Variants in DCTN2 observed in about 807,000 individuals in gnomAD.
DCTN2 encodes the protein 50 kDa dynein-associated polypeptide.
In DCTN2, 18 loss-of-function variants were observed where a neutral mutation model predicts 55.4. That is an observed-to-expected ratio of 0.32 (90% CI 0.22 to 0.48). The LOEUF (loss-of-function observed/expected upper bound fraction) is 0.48. Ranked by LOEUF, DCTN2 falls within the 20% of genes least tolerant of loss-of-function variation. The pLI is 0.99. For missense variants in DCTN2, 390 were observed against 491.0 expected, an observed-to-expected ratio of 0.79 and a Z score of 1.94; for synonymous variants, 168 against 185.2, an observed-to-expected ratio of 0.91 and a Z score of 0.76.
At chr12:57,546,489 C>T (rs986860758) in intron 1 of DCTN2, among the ~76,000 whole-genome samples, 1 of 152,098 alleles carries the variant, frequency 6.6e-6, no homozygotes, top group East Asian at 1.9e-4. Flanking sequence ...TGTGTCCCAA[C>T]CCTCACCTTG....
At chr12:57,536,166 C>A in intron 2 of DCTN2, 1 of 317,596 alleles carries the variant, frequency 3.1e-6, no homozygotes. Context: ...ACGCCATGCA[C>A]TCAAGGCAAG....
At chr12:57,533,127 G>A (rs998781140) in intron 8 of DCTN2, 105 bp from the exon 9 acceptor site, 2 of 1,561,526 alleles carry the variant, frequency 1.3e-6, no homozygotes, top group Admixed American at 3.5e-5. Context: ...GCTGATCCCT[G>A]TAACTGAAGC....
Position 57,547,153 on chromosome 12 carries a change from C to T in DCTN2, c.-90G>A. 1.8e-6 allele frequency: 2 copies of T among 1,132,344 alleles called. No individual in the cohort carries two copies. Among genetic ancestry groups the T allele is most frequent in the Non-Finnish European group, 1.1e-6 (1 of 884,486 alleles). The allele number at this position is 1,132,344 out of a possible 1,614,324, so 70.1% of individuals were successfully genotyped here. A position where few individuals can be genotyped will look rare whatever the true frequency, so the allele number is the denominator to read the frequency against. ...GGAGAGGCTGGGTTCGGGTCCCGGG[C>T]TAAGGCGGCGGCAAAGGGAGCGGCA... is the stretch of plus-strand genomic sequence containing the variant. On this transcript the variant is annotated 5_prime_UTR_variant, in exon 1 of 14. Transcript: ENST00000548249.
chr12:57,538,147 G>C, intron 2 of DCTN2: 2 of 362,670 alleles, frequency 5.5e-6, no homozygotes, highest in Admixed American at 3.9e-5. Context: ...GGGAGTAGAA[G>C]AGGGTCAACA....
intron 7 of DCTN2, 54 bp from the exon 8 acceptor site, chr12:57,533,357 G>A: frequency 1.3e-6 from 2 of 1,516,776 alleles, no homozygotes; most frequent in Non-Finnish European, 1.8e-6. Flanking sequence ...TGCTGCAATG[G>A]GAGGAATACG....
Position 57,533,282 on chromosome 12 carries a change from G to A in DCTN2, c.691C>T (p.Leu231=). 2 of 1,613,966 alleles carry A rather than the reference G, an allele frequency of 1.2e-6. No individual in the cohort carries two copies. The highest frequency in any genetic ancestry group is 1.1e-5 in the South Asian group (1 of 91,078). The change falls in exon 8 of 14, where the codon CTG becomes TTG. Residue 231 remains leucine (L), a synonymous_variant. Transcript: ENST00000548249. ...CGTACAGCTGTCTCCAGCTCTGTCA[G>A]GCGCTTTTCAAGTTCTGCGACCTAG... ...AAKVAELEKR[L]TELETAVRCD... is the part of the protein sequence containing the mutation.
At chr12:57,536,227 C>T (rs926433546) in intron 2 of DCTN2, 7 of 217,714 alleles carry the variant, frequency 3.2e-5, no homozygotes, top group South Asian at 1.1e-4. Flanking sequence ...AAATCTTGCC[C>T]GCTGAGCAAG....
At chr12:57,536,430 C>T (rs1001058228) in intron 2 of DCTN2, among the ~76,000 whole-genome samples, 1 of 152,152 alleles carries the variant, frequency 6.6e-6, no homozygotes, top group African/African-American at 2.4e-5. Context: ...ATGAGGCCAG[C>T]GAACTCAGGG....
chr12:57,537,955 A>C (rs1195349870), intron 2 of DCTN2, among the ~76,000 whole-genome samples: 2 of 152,180 alleles, frequency 1.3e-5, no homozygotes, highest in South Asian at 4.1e-4. Flanking sequence ...GAAAGCCCCA[A>C]TCCAGGCCAA....
At chr12:57,545,556 A>G (rs533969765) in intron 2 of DCTN2, among the ~76,000 whole-genome samples, 1 of 152,252 alleles carries the variant, frequency 6.6e-6, no homozygotes, top group African/African-American at 2.4e-5. Flanking sequence ...TCTTCCTCAA[A>G]TTTGTTTTGC....
Position 57,543,796 on chromosome 12 carries a change from C to A in DCTN2, c.105+2232G>T, listed in dbSNP as rs967676602. On this transcript the variant is annotated intron_variant, in intron 2 of 13. Coordinates refer to ENST00000548249, the MANE Select transcript of DCTN2 (RefSeq NM_001261413.2). ...TTGTATTTGCCATTCAGCTCATATG[C>A]ACTTCTATACTGGCATCCTGGGCAA... The A allele has an allele frequency of 7.9e-5, 102 of 1,288,332 alleles. 1 individual carries two copies. The African/African-American group carries it at 1.3e-3, about 16-fold the overall frequency. 79.8% of individuals were successfully genotyped at this position (1,288,332 alleles called of 1,614,324 possible). A position where few individuals can be genotyped will look rare whatever the true frequency, so the allele number is the denominator to read the frequency against.
chr12:57,538,229 A>G, intron 2 of DCTN2: 1 of 509,794 alleles, frequency 2.0e-6, no homozygotes, highest in Non-Finnish European at 3.7e-6. Context: ...GCTGTGGGAG[A>G]GTGTCCTGGG....
At chr12:57,541,344 G>A (rs781585079) in intron 2 of DCTN2, 1 of 1,598,560 alleles carries the variant, frequency 6.3e-7, no homozygotes, top group Non-Finnish European at 8.5e-7. Context: ...ATGCAGAGAA[G>A]AAGCATTGAA....
At chr12:57,533,363 A>C in intron 7 of DCTN2, 60 bp from the exon 8 acceptor site, 2 of 1,484,502 alleles carry the variant, frequency 1.3e-6, no homozygotes, top group Non-Finnish European at 1.9e-6. Flanking sequence ...AATGGGAGGA[A>C]TACGATCCTG....
chr12:57,543,242 G>C (rs939802364), intron 2 of DCTN2: 2 of 354,244 alleles, frequency 5.6e-6, no homozygotes, highest in African/African-American at 2.1e-5. Flanking sequence ...TCAGCTACTC[G>C]GGAGGCTAAG....
chr12:57,541,810 A>T (rs1015479302), intron 2 of DCTN2, among the ~76,000 whole-genome samples: 19 of 152,162 alleles, frequency 1.2e-4, no homozygotes, highest in Admixed American at 1.2e-3. Flanking sequence ...CAAACATTTT[A>T]AGAAAAATCT....
chr12:57,539,292 C>G (rs1440859255), intron 2 of DCTN2, among the ~76,000 whole-genome samples: 6 of 152,124 alleles, frequency 3.9e-5, no homozygotes, highest in Admixed American at 6.6e-5. Flanking sequence ...GGTAACTCAC[C>G]CTGCAGCTCC....
In DCTN2 at chr12:57,546,028, C is replaced by T; in HGVS notation, c.105G>A (p.Ala35=). The T allele has an allele frequency of 6.2e-7, 1 of 1,613,572 alleles. No homozygotes were observed. The highest frequency in any genetic ancestry group is 8.5e-7 in the Non-Finnish European group (1 of 1,179,778). ...AGTCTGTGGCAGCACACATTCTTACCGCATCGAACTCCGCTTGATCATCCT... is the reference window on the plus strand; with the variant it reads ...AGTCTGTGGCAGCACACATTCTTACTGCATCGAACTCCGCTTGATCATCCT... ...LPEDDQAEFD[A]EELTSTSVEH... Residue 35 remains alanine, a splice_region_variant and synonymous_variant, in exon 2 of 14, where the codon GCG becomes GCA. Transcript: ENST00000548249.
intron 2 of DCTN2, among the ~76,000 whole-genome samples, chr12:57,537,789 T>A (rs1381050435): frequency 6.6e-6 from 1 of 152,112 alleles, no homozygotes; most frequent in Admixed American, 6.5e-5. Context: ...CAAATGATTA[T>A]CTCTTTAACC....
Sources: allele counts gnomAD v4.1 joint callset (sites outside exome capture counted in the v4.1 genomes callset), GRCh38; gene constraint gnomAD v4.1.1; transcripts MANE v1.5; gene names NCBI Gene and HGNC (gene_info 2026-07-23, HGNC 2026-07-21).